FBXO34: variants seen among roughly 807,000 people sequenced by gnomAD.
FBXO34 encodes F-box protein 34.
A neutral mutation model predicts 24.5 loss-of-function variants in FBXO34; 12 were observed. The ratio of observed to expected loss-of-function variants is 0.49; its 90% CI spans 0.31 to 0.79. FBXO34 has a LOEUF of 0.79. FBXO34 is among the 30% of genes least tolerant of loss of function. The probability of loss-of-function intolerance (pLI) is 0.04; values close to 1 mark genes in which losing one functional copy is unlikely to be tolerated. For synonymous variants in FBXO34, 320 were observed against 311.9 expected, an observed-to-expected ratio of 1.03 and a Z score of -0.27; for missense variants, 823 against 857.7, an observed-to-expected ratio of 0.96 and a Z score of 0.51.
chr14:55,368,658 C>A (rs1884740282), downstream of FBXO34: 1 of 152,134 alleles, frequency 6.6e-6, no homozygotes, highest in African/African-American at 2.4e-5. Context: ...GGATGGTTTC[C>A]CCTGAAAACA....
At chr14:55,374,435 AG>A (rs1195624269), downstream of FBXO34, among the ~76,000 whole-genome samples, 2 of 152,162 alleles carry the variant, frequency 1.3e-5, no homozygotes, top group African/African-American at 4.8e-5. Context: ...TCAGTTGTCT[AG>A]ATTTTAATCT....
intron 1 of FBXO34, among the ~76,000 whole-genome samples, chr14:55,322,852 A>C (rs1883186806): frequency 6.6e-6 from 1 of 151,724 alleles, no homozygotes; most frequent in Non-Finnish European, 1.5e-5. Context: ...CATTTTACTC[A>C]GTGTGCCATT....
chr14:55,349,568 A>AT (rs1361172769), intron 1 of FBXO34, among the ~76,000 whole-genome samples: 1 of 147,568 alleles, frequency 6.8e-6, no homozygotes, highest in Non-Finnish European at 1.5e-5. Context: ...AATATTCAGT[A>AT]TTCAGTGGTA....
the FBXO34 span, among the ~76,000 whole-genome samples, chr14:55,391,639 A>G: frequency 6.6e-6 from 1 of 152,166 alleles, no homozygotes. Context: ...TAAATCATAC[A>G]AAATCAAAAA....
chr14:55,428,111 T>C, the FBXO34 span, among the ~76,000 whole-genome samples: 1 of 130,634 alleles, frequency 7.7e-6, no homozygotes, highest in Non-Finnish European at 1.6e-5. Context: ...CCATTTCACA[T>C]GCCTTATCTT....
chr14:55,376,144 A>ACTTGTACTGG, the FBXO34 span, among the ~76,000 whole-genome samples: 34 of 152,324 alleles, frequency 2.2e-4, no homozygotes, highest in African/African-American at 7.7e-4. Flanking sequence ...TGGCTCCACC[A>ACTTGTACTGG]CTTGTACTGG....
chr14:55,289,068 A>T (rs1172154720), intron 1 of FBXO34, among the ~76,000 whole-genome samples: 3 of 152,098 alleles, frequency 2.0e-5, no homozygotes, highest in Non-Finnish European at 2.9e-5. Flanking sequence ...CAAAAAAAGT[A>T]TATGTAATAT....
chr14:55,442,595 C>T, the FBXO34 span, among the ~76,000 whole-genome samples: 1 of 152,072 alleles, frequency 6.6e-6, no homozygotes, highest in Non-Finnish European at 1.5e-5. Context: ...TTCTAAGAAT[C>T]AAATCACAAC....
At chr14:55,441,973 G>A in the FBXO34 span, among the ~76,000 whole-genome samples, 3 of 151,464 alleles carry the variant, frequency 2.0e-5, no homozygotes, top group Non-Finnish European at 4.4e-5. Context: ...TTGTTGGCCA[G>A]GCTGGTCTCA....
chr14:55,320,682 C>T (rs1441416605), intron 1 of FBXO34, among the ~76,000 whole-genome samples: 5 of 152,116 alleles, frequency 3.3e-5, no homozygotes, highest in African/African-American at 7.2e-5. Context: ...GGTGTGAACC[C>T]GGGAGGTGGA....
chr14:55,291,649 C>T (rs561463184), intron 1 of FBXO34, among the ~76,000 whole-genome samples: 1 of 152,086 alleles, frequency 6.6e-6, no homozygotes, highest in Middle Eastern at 3.4e-3. Context: ...GCCTGGACAA[C>T]ATAGCAAGAC....
At chr14:55,322,793 C>T (rs1267684546) in intron 1 of FBXO34, among the ~76,000 whole-genome samples, 2 of 151,886 alleles carry the variant, frequency 1.3e-5, no homozygotes, top group African/African-American at 2.4e-5. Context: ...AGGAGTTACC[C>T]AACTAAGATT....
chr14:55,366,971 G>A (rs1041171881), intron 2 of FBXO34: 6 of 152,656 alleles, frequency 3.9e-5, no homozygotes, highest in Non-Finnish European at 7.3e-5. Context: ...GTGTAAGCCA[G>A]TATGTTGGTG....
the FBXO34 span, chr14:55,378,025 T>C: frequency 6.2e-7 from 1 of 1,613,228 alleles, no homozygotes; most frequent in South Asian, 1.1e-5. Flanking sequence ...TTCAGTTTCT[T>C]CACTGCTCGA....
At chr14:55,423,092 TATGTC>T in the FBXO34 span, among the ~76,000 whole-genome samples, 1 of 152,158 alleles carries the variant, frequency 6.6e-6, no homozygotes, top group African/African-American at 2.4e-5. Context: ...AAGGATAAGT[TATGTC>T]ATGTACATAT....
downstream of FBXO34, chr14:55,369,795 A>G: frequency 6.2e-7 from 1 of 1,614,206 alleles, no homozygotes; most frequent in Non-Finnish European, 8.5e-7. Flanking sequence ...AAGTTCTCCC[A>G]GTCTGTGCCC....
chr14:55,366,083 G>C (rs1884671056), downstream of FBXO34, among the ~76,000 whole-genome samples: 1 of 152,134 alleles, frequency 6.6e-6, no homozygotes, highest in African/African-American at 2.4e-5. Context: ...GAGGCCTTCT[G>C]CCCCAGGGGT....
chr14:55,370,151 A>T (rs959944948), downstream of FBXO34, among the ~76,000 whole-genome samples: 1 of 152,150 alleles, frequency 6.6e-6, no homozygotes, highest in Non-Finnish European at 1.5e-5. Flanking sequence ...ACTTTCCCAC[A>T]AGTCTGCCTA....
chr14:55,373,866 G>T (rs1159629125), downstream of FBXO34, among the ~76,000 whole-genome samples: 1 of 151,446 alleles, frequency 6.6e-6, no homozygotes, highest in Non-Finnish European at 1.5e-5. Flanking sequence ...GGTCTGAACA[G>T]AAACAGGAAA....
Sources: gnomAD v4.1 joint callset for allele counts (sites outside exome capture counted in the v4.1 genomes callset) on GRCh38, gnomAD v4.1.1 for gene constraint, MANE v1.5 for transcripts, NCBI Gene and HGNC (gene_info 2026-07-23, HGNC 2026-07-21) for gene names.